The following PTPRR variants were observed in gnomAD, a reference collection of about 807,000 sequenced individuals.
The protein encoded by PTPRR is protein tyrosine phosphatase receptor type R.
In PTPRR, 38 loss-of-function variants were observed where a neutral mutation model predicts 77.2. The ratio of observed to expected loss-of-function variants is 0.49; its 90% CI spans 0.38 to 0.65. The LOEUF (loss-of-function observed/expected upper bound fraction) is 0.65. PTPRR is among the 30% of genes least tolerant of loss of function. PTPRR has a pLI of 0.00. For missense variants in PTPRR, 744 were observed against 799.2 expected (o/e 0.93, Z 0.83); for synonymous variants, 299 against 283.1 (o/e 1.06, Z -0.57).
chr12:70,690,055 C>T (rs748597888), intron 8 of PTPRR, among the ~76,000 whole-genome samples: 1 of 152,140 alleles, frequency 6.6e-6, no homozygotes, highest in Non-Finnish European at 1.5e-5. Flanking sequence ...TCTTCTTCTA[C>T]CACTTCTGAT....
At chr12:70,864,957 G>T (rs183711166) in intron 2 of PTPRR, among the ~76,000 whole-genome samples, 2 of 151,848 alleles carry the variant, frequency 1.3e-5, no homozygotes, top group African/African-American at 4.8e-5. Context: ...GATTACAGGC[G>T]TGCGTCACCA....
intron 10 of PTPRR, among the ~76,000 whole-genome samples, chr12:70,676,079 A>G (rs1229951491): frequency 6.6e-6 from 1 of 151,856 alleles, no homozygotes; most frequent in African/African-American, 2.4e-5. Flanking sequence ...TTCTTCAAAT[A>G]TTACTTCTTT....
intron 5 of PTPRR, among the ~76,000 whole-genome samples, chr12:70,747,799 T>C (rs1275989347): frequency 2.0e-5 from 3 of 152,146 alleles, no homozygotes; most frequent in Non-Finnish European, 4.4e-5. Context: ...GTATGATGTA[T>C]ATAAGATAGT....
intron 2 of PTPRR, among the ~76,000 whole-genome samples, chr12:70,795,180 C>T (rs577569892): frequency 6.6e-6 from 1 of 152,272 alleles, no homozygotes; most frequent in South Asian, 2.1e-4. Context: ...CTTACTATTT[C>T]TCAAAATTCT....
At chr12:70,701,996 GATAAAA>G (rs1231581011) in intron 6 of PTPRR, among the ~76,000 whole-genome samples, 17 of 151,924 alleles carry the variant, frequency 1.1e-4, no homozygotes, top group African/African-American at 4.1e-4. Context: ...TAAAACAATA[GATAAAA>G]ATAAAAAAAG....
At chr12:70,693,215 C>T (rs1888113098) in intron 8 of PTPRR, among the ~76,000 whole-genome samples, 2 of 152,172 alleles carry the variant, frequency 1.3e-5, no homozygotes, top group African/African-American at 4.8e-5. Flanking sequence ...AACAGTTTCC[C>T]TGTAAAGCTA....
At chr12:70,903,065 G>A (rs1893565292) in intron 1 of PTPRR, among the ~76,000 whole-genome samples, 1 of 151,718 alleles carries the variant, frequency 6.6e-6, no homozygotes, top group Admixed American at 6.6e-5. Flanking sequence ...ATCTAGAAAA[G>A]TAGAGAGTAG....
chr12:70,839,401 T>C (rs1892357677), intron 2 of PTPRR, among the ~76,000 whole-genome samples: 1 of 113,010 alleles, frequency 8.8e-6, no homozygotes, highest in South Asian at 2.5e-4. Flanking sequence ...AGATGACTTA[T>C]ATTACTTAAA....
intron 13 of PTPRR, among the ~76,000 whole-genome samples, chr12:70,654,638 A>G (rs1256505546): frequency 6.6e-6 from 1 of 152,202 alleles, no homozygotes; most frequent in Non-Finnish European, 1.5e-5. Flanking sequence ...TCTTTGTTTT[A>G]TTACTTCACA....
intron 2 of PTPRR, among the ~76,000 whole-genome samples, chr12:70,767,049 A>G (rs1016456440): frequency 6.9e-4 from 105 of 152,344 alleles, no homozygotes; most frequent in Non-Finnish European, 1.3e-3. Flanking sequence ...GGTACCAGCC[A>G]CTGCAAAATC....
chr12:70,856,471 AGAGGGCAATGACATT>A (rs1456984516), intron 2 of PTPRR, among the ~76,000 whole-genome samples: 37 of 152,302 alleles, frequency 2.4e-4, no homozygotes, highest in African/African-American at 8.9e-4. Flanking sequence ...AAGTGAGACC[AGAGGGCAATGACATT>A]GAACATATTT....
At chr12:70,849,046 C>T (rs1892531536) in intron 2 of PTPRR, among the ~76,000 whole-genome samples, 1 of 151,982 alleles carries the variant, frequency 6.6e-6, no homozygotes, top group East Asian at 1.9e-4. Flanking sequence ...TGAAAATATG[C>T]CCTTTATTCA....
intron 1 of PTPRR, among the ~76,000 whole-genome samples, chr12:70,907,864 A>G (rs1039702030): frequency 2.6e-5 from 4 of 152,172 alleles, no homozygotes; most frequent in Admixed American, 2.0e-4. Context: ...AGCCATTAAG[A>G]GAGGACTATC....
At chr12:70,905,930 G>C (rs1893615036) in intron 1 of PTPRR, among the ~76,000 whole-genome samples, 1 of 151,968 alleles carries the variant, frequency 6.6e-6, no homozygotes, top group South Asian at 2.1e-4. Context: ...CTCTAGAAAG[G>C]AGAGATAAAT....
At chr12:70,669,642 G>A (rs550586097) in intron 10 of PTPRR, among the ~76,000 whole-genome samples, 21 of 151,192 alleles carry the variant, frequency 1.4e-4, no homozygotes, top group Non-Finnish European at 2.6e-4. Context: ...ATAGCTTACC[G>A]CATCCTCAAA....
At chr12:70,753,449 T>C (rs7139334) in intron 5 of PTPRR, among the ~76,000 whole-genome samples, 3,030 of 152,268 alleles carry the variant, frequency 0.02, 91 homozygotes, top group African/African-American at 0.069. Flanking sequence ...CTAATTATTA[T>C]ATTACATCTT....
intron 6 of PTPRR, among the ~76,000 whole-genome samples, chr12:70,729,307 G>A (rs1030805668): frequency 4.0e-5 from 6 of 151,276 alleles, no homozygotes; most frequent in Non-Finnish European, 8.8e-5. Context: ...ATGTAGAGAT[G>A]ATCTATTTGT....
In PTPRR at chr12:70,661,223, A is replaced by G; in HGVS notation, c.1609-126T>C. On this transcript the variant is annotated intron_variant, in intron 11 of 13. Transcript: ENST00000283228. ...CAATTTATTTCTAGGTGGGAAAAAA[A>G]TTTAGAAGATTTTTGAAGAGTGCCC... 3 of 1,258,850 alleles carry G rather than the reference A, an allele frequency of 2.4e-6. No homozygotes were observed. The East Asian group carries it at 7.6e-5, about 32-fold the overall frequency. The allele number at this position is 1,258,850 out of a possible 1,614,324, so 78.0% of individuals were successfully genotyped here. A position where few individuals can be genotyped will look rare whatever the true frequency, so the allele number is the denominator to read the frequency against.
At chr12:70,809,130 T>C (rs1891763101) in intron 2 of PTPRR, among the ~76,000 whole-genome samples, 1 of 152,206 alleles carries the variant, frequency 6.6e-6, no homozygotes, top group Admixed American at 6.5e-5. Flanking sequence ...CTGAGATGTC[T>C]GCAAGGAACT....
Sources: gnomAD v4.1 joint callset for allele counts (sites outside exome capture counted in the v4.1 genomes callset) on GRCh38, gnomAD v4.1.1 for gene constraint, MANE v1.5 for transcripts, NCBI Gene and HGNC (gene_info 2026-07-23, HGNC 2026-07-21) for gene names.